Variants in ARL6 observed in about 807,000 individuals in gnomAD.
ARL6 encodes the protein ADP-ribosylation factor-like protein 6.
A neutral mutation model predicts 27.1 loss-of-function variants in ARL6; 18 were observed. That is an observed-to-expected ratio of 0.66 (90% CI 0.46 to 0.98). The LOEUF is 0.98. Ranked by LOEUF, ARL6 falls within the 50% of genes least tolerant of loss-of-function variation. The probability of loss-of-function intolerance (pLI) is 0.00; values close to 1 mark genes in which losing one functional copy is unlikely to be tolerated. For missense variants in ARL6, 187 were observed against 214.9 expected (o/e 0.87, Z 0.81); for synonymous variants, 65 against 72.3 (o/e 0.90, Z 0.51).
chr3:97,776,874 G>C (rs939310851), intron 2 of ARL6, among the ~76,000 whole-genome samples: 1 of 152,164 alleles, frequency 6.6e-6, no homozygotes, highest in African/African-American at 2.4e-5. Flanking sequence ...GGCCTGGCTG[G>C]TCTTGAACTC....
At position 97,764,859 on chromosome 3, in the gene ARL6, T is replaced by C. The variant is rs886058937; in HGVS notation, c.-146T>C. 6.6e-6 allele frequency: 1 copy of C among 152,298 alleles called. No homozygotes were observed. Among genetic ancestry groups the C allele is most frequent in the East Asian group, 1.9e-4 (1 of 5,192 alleles). 9.4% of individuals were successfully genotyped at this position (152,298 alleles called of 1,614,324 possible). A position where few individuals can be genotyped will look rare whatever the true frequency, so the allele number is the denominator to read the frequency against. ...CTCATTACCAGGCATCCTTCCCATG[T>C]AGGCATCGAGAAGAAGGCTGAGGGA... On this transcript the variant is annotated 5_prime_UTR_variant, in exon 1 of 8. The change abolishes the stop of an existing upstream ORF in the 5' untranslated region. Coordinates refer to ENST00000463745, the MANE Select transcript of ARL6 (RefSeq NM_001278293.3).
chr3:97,798,372 TTTA>T lies in ARL6; in HGVS notation c.*326_*328del, dbSNP rs1365975109. On this transcript the variant is annotated 3_prime_UTR_variant, in exon 8 of 8. Transcript: ENST00000463745. Reference sequence around the variant, plus strand: ...ATAATTTATGATATGTTTAATATATTTTATTTTTTAATTGTCTTTTTAAAAAAT... The same window carrying T: ...ATAATTTATGATATGTTTAATATATTTTTTTTAATTGTCTTTTTAAAAAAT... 3.8e-5 allele frequency: 7 copies of T among 185,466 alleles called. No homozygotes were observed. Among genetic ancestry groups the T allele is most frequent in the African/African-American group, 1.6e-4 (7 of 42,666 alleles). The allele number at this position is 185,466 out of a possible 1,614,324, so 11.5% of individuals were successfully genotyped here. A position where few individuals can be genotyped will look rare whatever the true frequency, so the allele number is the denominator to read the frequency against.
intron 2 of ARL6, among the ~76,000 whole-genome samples, chr3:97,768,863 C>CT (rs901196525): frequency 6.6e-5 from 10 of 151,398 alleles, no homozygotes; most frequent in African/African-American, 1.9e-4. Context: ...GCTTTTTTTT[C>CT]TTTTTTTTAT....
chr3:97,768,261 T>C, intron 2 of ARL6, 31 bp downstream of exon 2: 1 of 1,605,682 alleles, frequency 6.2e-7, no homozygotes, highest in South Asian at 1.1e-5. Context: ...CTTTATGTAT[T>C]TTCTGCTACT....
chr3:97,797,572 A>T (rs1402524183), intron 7 of ARL6, among the ~76,000 whole-genome samples: 2 of 152,106 alleles, frequency 1.3e-5, no homozygotes, highest in East Asian at 3.9e-4. Context: ...AAGAAGTAAC[A>T]ATAAAAGTAT....
intron 2 of ARL6, among the ~76,000 whole-genome samples, chr3:97,775,349 G>A (rs771418689): frequency 2.0e-5 from 3 of 152,144 alleles, no homozygotes; most frequent in East Asian, 1.9e-4. Context: ...CAAGGAAACC[G>A]GTCCGAGTCC....
In ARL6 at chr3:97,799,374, T is replaced by C. The variant is rs1040947437; in HGVS notation, c.*1325T>C. ...TAGCAGTGATTTGGCATTTGGCAAA[T>C]TGAAAGTTACCCAGAAAATTCCAAT... is the stretch of plus-strand genomic sequence containing the variant. On this transcript the variant is annotated 3_prime_UTR_variant, in exon 8 of 8. Coordinates refer to ENST00000463745, the MANE Select transcript of ARL6 (RefSeq NM_001278293.3). 6 of 152,178 alleles carry C rather than the reference T, an allele frequency of 3.9e-5. No homozygotes were observed. In the South Asian group the frequency reaches 1.2e-3, roughly 32 times the overall value. 9.4% of individuals were successfully genotyped at this position (152,178 alleles called of 1,614,324 possible). A position where few individuals can be genotyped will look rare whatever the true frequency, so the allele number is the denominator to read the frequency against.
rs569948314 is a variant in ARL6 at position 97,800,703 on chromosome 3, G to A, written c.*2654G>A. ...ATAATACTTGTCTTATTCATTTCAG[G>A]TTGCTATAACAAAGTACCATAGACT... On this transcript the variant is annotated 3_prime_UTR_variant, in exon 8 of 8. Coordinates refer to ENST00000463745, the MANE Select transcript of ARL6 (RefSeq NM_001278293.3). 1 of 151,988 alleles carries A rather than the reference G, an allele frequency of 6.6e-6. No homozygotes were observed. Among genetic ancestry groups the A allele is most frequent in the Non-Finnish European group, 1.5e-5 (1 of 67,994 alleles). 9.4% of individuals were successfully genotyped at this position (151,988 alleles called of 1,614,324 possible).
intron 4 of ARL6, among the ~76,000 whole-genome samples, chr3:97,783,415 G>A (rs1258474132): frequency 6.6e-6 from 1 of 151,702 alleles, no homozygotes; most frequent in Non-Finnish European, 1.5e-5. Context: ...ACACAGCTTT[G>A]CCAAAATTTC....
chr3:97,772,885 G>A (rs998588200), intron 2 of ARL6, among the ~76,000 whole-genome samples: 6 of 152,090 alleles, frequency 3.9e-5, no homozygotes, highest in African/African-American at 1.4e-4. Context: ...CTCCCAAAGT[G>A]CTGGAATTAC....
chr3:97,770,676 C>A (rs183486379), intron 2 of ARL6, among the ~76,000 whole-genome samples: 2 of 152,126 alleles, frequency 1.3e-5, no homozygotes, highest in African/African-American at 2.4e-5. Flanking sequence ...AGATTTAAGT[C>A]TTTAATCCAT....
intron 2 of ARL6, among the ~76,000 whole-genome samples, chr3:97,774,015 C>T (rs572136877): frequency 6.6e-6 from 1 of 152,324 alleles, no homozygotes; most frequent in East Asian, 1.9e-4. Context: ...AATCACAGGG[C>T]ATGGTAATAC....
chr3:97,799,323 T>C lies in ARL6; in HGVS notation c.*1274T>C, dbSNP rs2038148118. The C allele has an allele frequency of 1.3e-5, 2 of 152,104 alleles. No individual in the cohort carries two copies. Among genetic ancestry groups the C allele is most frequent in the African/African-American group, 4.8e-5 (2 of 41,456 alleles). The allele number at this position is 152,104 out of a possible 1,614,324, so 9.4% of individuals were successfully genotyped here. A position where few individuals can be genotyped will look rare whatever the true frequency, so the allele number is the denominator to read the frequency against. On this transcript the variant is annotated 3_prime_UTR_variant, in exon 8 of 8. Coordinates refer to ENST00000463745, the MANE Select transcript of ARL6 (RefSeq NM_001278293.3). ...ACATAAAGCTACAATAAAAGTTCTA[T>C]ATTCCAGTTTCTTATAGTCCAGAAA...
At chr3:97,789,703 G>A (rs1484127769) in intron 6 of ARL6, among the ~76,000 whole-genome samples, 2 of 151,926 alleles carry the variant, frequency 1.3e-5, no homozygotes, top group African/African-American at 4.8e-5. Context: ...CTTCTCACTA[G>A]GTTCAAATTA....
Position 97,800,401 on chromosome 3 carries a change from G to T in ARL6, c.*2352G>T, listed in dbSNP as rs2038202205. ...TTTTCTTTCATGTCTAGACATCAGT[G>T]TGTTACAGAGTTTAATTCATTAAGC... On this transcript the variant is annotated 3_prime_UTR_variant, in exon 8 of 8. Coordinates refer to ENST00000463745, the MANE Select transcript of ARL6 (RefSeq NM_001278293.3). The T allele has an allele frequency of 6.6e-6, 1 of 152,110 alleles. No individual in the cohort carries two copies. The highest frequency in any genetic ancestry group is 6.6e-5 in the Admixed American group (1 of 15,260). 9.4% of individuals were successfully genotyped at this position (152,110 alleles called of 1,614,324 possible). A position where few individuals can be genotyped will look rare whatever the true frequency, so the allele number is the denominator to read the frequency against.
At chr3:97,788,814 A>C (rs1171193235) in intron 6 of ARL6, among the ~76,000 whole-genome samples, 2 of 152,180 alleles carry the variant, frequency 1.3e-5, no homozygotes, top group Admixed American at 1.3e-4. Flanking sequence ...TTTCTACCAA[A>C]ATATTCTAAT....
intron 3 of ARL6, 113 bp from the exon 4 acceptor site, chr3:97,780,502 C>G: frequency 1.2e-6 from 1 of 846,218 alleles, no homozygotes; most frequent in East Asian, 2.7e-5. Context: ...TAAATTGGCA[C>G]ATGTTGAATA....
chr3:97,793,801 A>G (rs370500464), intron 7 of ARL6, among the ~76,000 whole-genome samples: 145 of 151,916 alleles, frequency 9.5e-4, no homozygotes, highest in African/African-American at 3.2e-3. Context: ...ACCCTTTACA[A>G]TTTTCTGCAA....
intron 6 of ARL6, among the ~76,000 whole-genome samples, chr3:97,788,937 GC>G (rs1340195674): frequency 3.3e-5 from 5 of 152,028 alleles, no homozygotes. Flanking sequence ...TCCTTTCCAT[GC>G]CAGAGTTTCC....
Sources: allele counts gnomAD v4.1 joint callset (sites outside exome capture counted in the v4.1 genomes callset), GRCh38; gene constraint gnomAD v4.1.1; transcripts MANE v1.5; gene names NCBI Gene and HGNC (gene_info 2026-07-23, HGNC 2026-07-21).